The following KCNIP1 variants were observed in gnomAD, a reference collection of about 807,000 sequenced individuals.
KCNIP1 encodes the protein potassium voltage-gated channel interacting protein 1.
Under a neutral mutation model 33.0 loss-of-function variants are expected in KCNIP1, and 18 were observed. The ratio of observed to expected loss-of-function variants is 0.55; its 90% CI spans 0.38 to 0.81. The LOEUF (loss-of-function observed/expected upper bound fraction) is 0.81, where lower values mean the gene tolerates loss of function less well. Among genes scored for constraint, KCNIP1 ranks in the 30% least tolerant of loss-of-function variants. KCNIP1 has a pLI of 0.00. For missense variants in KCNIP1, 238 were observed against 271.6 expected, an observed-to-expected ratio of 0.88 and a Z score of 0.87; for synonymous variants, 93 against 98.3, an observed-to-expected ratio of 0.95 and a Z score of 0.32.
chr5:170,396,787 A>T (rs1314651720), intron 1 of KCNIP1, among the ~76,000 whole-genome samples: 1 of 152,218 alleles, frequency 6.6e-6, no homozygotes, highest in African/African-American at 2.4e-5. Context: ...AGAATAAATG[A>T]TAAATGTCTC....
At chr5:170,485,425 G>C (rs1457381549) in intron 1 of KCNIP1, among the ~76,000 whole-genome samples, 1 of 152,186 alleles carries the variant, frequency 6.6e-6, no homozygotes, top group African/African-American at 2.4e-5. Flanking sequence ...CTGGGCCCAG[G>C]GTGTGGACGG....
chr5:170,450,558 G>A (rs1431628908), intron 1 of KCNIP1, among the ~76,000 whole-genome samples: 1 of 152,098 alleles, frequency 6.6e-6, no homozygotes, highest in Non-Finnish European at 1.5e-5. Flanking sequence ...CTCCTCTGAA[G>A]GGCTTGCAAG....
At chr5:170,602,746 C>T (rs58098390) in intron 1 of KCNIP1, among the ~76,000 whole-genome samples, 48,340 of 151,964 alleles carry the variant, frequency 0.32, 8,744 homozygotes, top group Non-Finnish European at 0.42. Flanking sequence ...TCATCTCACC[C>T]TCCTGGCCCT....
chr5:170,585,604 C>G (rs566549536), intron 1 of KCNIP1, among the ~76,000 whole-genome samples: 3 of 152,262 alleles, frequency 2.0e-5, no homozygotes, highest in African/African-American at 7.2e-5. Context: ...CCTCCCACCT[C>G]TCACCCCCCG....
At chr5:170,581,944 C>T (rs1451665367) in intron 1 of KCNIP1, among the ~76,000 whole-genome samples, 1 of 152,144 alleles carries the variant, frequency 6.6e-6, no homozygotes. Flanking sequence ...AGAAAGGAAG[C>T]AAGGGAGAGG....
At chr5:170,517,707 ATGG>A (rs1484661686) in intron 1 of KCNIP1, among the ~76,000 whole-genome samples, 3 of 150,432 alleles carry the variant, frequency 2.0e-5, no homozygotes, top group Non-Finnish European at 3.0e-5. Flanking sequence ...GGTGATGGTG[ATGG>A]TAGTAGTGAT....
chr5:170,598,929 G>A (rs1347673451), intron 1 of KCNIP1, among the ~76,000 whole-genome samples: 1 of 151,550 alleles, frequency 6.6e-6, no homozygotes, highest in Non-Finnish European at 1.5e-5. Context: ...GTGTGTGTGT[G>A]TGTGTGTGTG....
At chr5:170,492,216 C>A (rs938838951) in intron 1 of KCNIP1, among the ~76,000 whole-genome samples, 5 of 152,198 alleles carry the variant, frequency 3.3e-5, no homozygotes, top group African/African-American at 1.2e-4. Flanking sequence ...TCCTAAGACT[C>A]CTTCCTCAGG....
rs147618986 is a variant in KCNIP1 at position 170,467,645 on chromosome 5, C to T, written c.88+113681C>T. ...TTTAGAACTAAGTATAGGCTGGGCG[C>T]GGTGGCTCACGCCTGTAATCCCAGG... On this transcript the variant is annotated intron_variant, in intron 1 of 7. Transcript: ENST00000377360. 9.7e-3 allele frequency among the ~76,000 whole-genome samples: 1,469 copies of T among 152,154 alleles called. 22 individuals are homozygous for T. Among genetic ancestry groups the T allele is most frequent in the African/African-American group, 0.033 (1,360 of 41,502 alleles).
At chr5:170,671,605 A>G (rs1761926454) in intron 1 of KCNIP1, among the ~76,000 whole-genome samples, 1 of 152,160 alleles carries the variant, frequency 6.6e-6, no homozygotes, top group African/African-American at 2.4e-5. Context: ...TTATGCTATT[A>G]TTTGAGTTAT....
chr5:170,600,083 C>T (rs1758633590), intron 1 of KCNIP1, among the ~76,000 whole-genome samples: 1 of 152,186 alleles, frequency 6.6e-6, no homozygotes, highest in Non-Finnish European at 1.5e-5. Flanking sequence ...CTCTCAGGGT[C>T]ACCCCTTCAG....
At chr5:170,378,479 C>A in intron 1 of KCNIP1, 1 of 563,984 alleles carries the variant, frequency 1.8e-6, no homozygotes, top group Non-Finnish European at 3.1e-6. Context: ...ACTGGCTGGC[C>A]TTATGGCCTC....
At chr5:170,730,320 T>C (rs1358776964) in intron 5 of KCNIP1, among the ~76,000 whole-genome samples, 1 of 152,164 alleles carries the variant, frequency 6.6e-6, no homozygotes, top group Non-Finnish European at 1.5e-5. Flanking sequence ...TTTTGTAATT[T>C]GCAAACTAGG....
At chr5:170,415,839 G>A (rs1205011941) in intron 1 of KCNIP1, among the ~76,000 whole-genome samples, 1 of 152,186 alleles carries the variant, frequency 6.6e-6, no homozygotes, top group South Asian at 2.1e-4. Flanking sequence ...GACTGGGGGA[G>A]CCTCCCTGTG....
In KCNIP1 at chr5:170,504,686, G is replaced by A. The variant is rs1473200520; in HGVS notation, c.61+53G>A. On this transcript the variant is annotated intron_variant, in intron 1 of 7. Transcript: ENST00000328939. This position sits in a 1 kb window ranked among gnomAD's most constrained non-coding sequence, Gnocchi z 6.0. ...CTGTCTGGGCTTGGGGGTGCTAGGC[G>A]CCGAGGTGGGCTGTGCCACCTGCCT... 7.4e-6 allele frequency: 11 copies of A among 1,488,150 alleles called. 1 individual carries two copies. In the South Asian group the frequency reaches 1.1e-4, roughly 15 times the overall value. 92.2% of individuals were successfully genotyped at this position (1,488,150 alleles called of 1,614,324 possible). A position where few individuals can be genotyped will look rare whatever the true frequency, so the allele number is the denominator to read the frequency against.
intron 1 of KCNIP1, among the ~76,000 whole-genome samples, chr5:170,507,637 T>C (rs1262787051): frequency 6.6e-6 from 1 of 152,224 alleles, no homozygotes; most frequent in Non-Finnish European, 1.5e-5. Context: ...CATCAAAGCC[T>C]GCTCAATTAA....
intron 1 of KCNIP1, among the ~76,000 whole-genome samples, chr5:170,692,039 T>A (rs1384958189): frequency 6.6e-6 from 1 of 152,208 alleles, no homozygotes; most frequent in African/African-American, 2.4e-5. Flanking sequence ...TCACAGATGC[T>A]AATAGAGACA....
At chr5:170,592,598 C>A (rs903695268) in intron 1 of KCNIP1, among the ~76,000 whole-genome samples, 1 of 152,332 alleles carries the variant, frequency 6.6e-6, no homozygotes, top group South Asian at 2.1e-4. Flanking sequence ...TCAGAGACTA[C>A]TTCTCATCTT....
At chr5:170,620,566 G>A (rs2113641528) in intron 1 of KCNIP1, among the ~76,000 whole-genome samples, 1 of 152,280 alleles carries the variant, frequency 6.6e-6, no homozygotes, top group South Asian at 2.1e-4. Context: ...TGATGCCAAA[G>A]TCCTGCTCAA....
Sources: allele counts gnomAD v4.1 joint callset (sites outside exome capture counted in the v4.1 genomes callset), GRCh38; gene constraint gnomAD v4.1.1; non-coding constraint Gnocchi (gnomAD v3.1); transcripts MANE v1.5; gene names NCBI Gene and HGNC (gene_info 2026-07-23, HGNC 2026-07-21).